Variants in CLVS1 observed in about 807,000 individuals in gnomAD.
CLVS1 encodes the protein clavesin 1.
CLVS1 carries 10 observed loss-of-function variants against 33.1 expected under a neutral mutation model. That is an observed-to-expected ratio of 0.30 (90% CI 0.19 to 0.51). The LOEUF (loss-of-function observed/expected upper bound fraction) is 0.51. Ranked by LOEUF, CLVS1 falls within the 20% of genes least tolerant of loss-of-function variation. The pLI is 0.97. For missense variants in CLVS1, 343 were observed against 433.4 expected (o/e 0.79, Z 1.85); for synonymous variants, 163 against 166.1 (o/e 0.98, Z 0.14).
intron 1 of CLVS1, among the ~76,000 whole-genome samples, chr8:61,119,194 C>A (rs1238643377): frequency 1.3e-5 from 2 of 152,104 alleles, no homozygotes; most frequent in African/African-American, 2.4e-5. Flanking sequence ...AGGATGGCAA[C>A]CCCTGCCTTT....
chr8:61,085,234 T>C (rs555779362), intron 1 of CLVS1, among the ~76,000 whole-genome samples: 1 of 152,320 alleles, frequency 6.6e-6, no homozygotes, highest in East Asian at 1.9e-4. Flanking sequence ...TGAAAATCCA[T>C]AGCCTTGTAA....
chr8:61,021,840 G>C, the CLVS1 span, among the ~76,000 whole-genome samples: 1 of 152,106 alleles, frequency 6.6e-6, no homozygotes, highest in Non-Finnish European at 1.5e-5. Flanking sequence ...AGTGAGTATA[G>C]TATCCAATAG....
intron 1 of CLVS1, among the ~76,000 whole-genome samples, chr8:61,129,721 C>T (rs956070530): frequency 4.6e-5 from 7 of 152,118 alleles, no homozygotes; most frequent in Admixed American, 3.3e-4. Context: ...GGGCACTAAT[C>T]CCATCAGTGA....
chr8:61,147,889 C>A (rs1219514185), intron 2 of CLVS1, among the ~76,000 whole-genome samples: 1 of 152,086 alleles, frequency 6.6e-6, no homozygotes, highest in Non-Finnish European at 1.5e-5. Context: ...TGTCAGGAAC[C>A]CCTGAGGGGT....
At chr8:61,189,137 C>G (rs928050053) in intron 2 of CLVS1, among the ~76,000 whole-genome samples, 1 of 152,130 alleles carries the variant, frequency 6.6e-6, no homozygotes, top group Non-Finnish European at 1.5e-5. Flanking sequence ...GGTTGGGTTA[C>G]CCACAAAGGG....
intron 2 of CLVS1, among the ~76,000 whole-genome samples, chr8:61,364,559 CTGTT>C (rs985545696): frequency 2.0e-5 from 3 of 152,166 alleles, no homozygotes; most frequent in African/African-American, 4.8e-5. Context: ...TTGCCTGCCT[CTGTT>C]TAAGTTTCTT....
At chr8:61,218,087 T>C (rs1808131090) in intron 2 of CLVS1, among the ~76,000 whole-genome samples, 2 of 150,752 alleles carry the variant, frequency 1.3e-5, no homozygotes, top group African/African-American at 2.4e-5. Flanking sequence ...TGGAGAACAG[T>C]ATAGAGGTTT....
chr8:61,158,153 T>C (rs1489820996), intron 2 of CLVS1, among the ~76,000 whole-genome samples: 2 of 152,198 alleles, frequency 1.3e-5, no homozygotes, highest in Non-Finnish European at 2.9e-5. Context: ...ACTATTGATG[T>C]AGGCAACAAT....
intron 2 of CLVS1, among the ~76,000 whole-genome samples, chr8:61,262,848 C>T (rs1205775059): frequency 1.3e-5 from 2 of 152,150 alleles, no homozygotes; most frequent in Non-Finnish European, 2.9e-5. Flanking sequence ...TTCAGAGCTA[C>T]AGCAGCAAAC....
At chr8:61,326,410 T>G (rs186288250) in intron 2 of CLVS1, among the ~76,000 whole-genome samples, 14 of 152,312 alleles carry the variant, frequency 9.2e-5, no homozygotes, top group Admixed American at 9.2e-4. Context: ...GAGCTTCAGG[T>G]AGTCTTTGAT....
intron 1 of CLVS1, among the ~76,000 whole-genome samples, chr8:61,083,713 T>C (rs1805068066): frequency 6.6e-6 from 1 of 151,862 alleles, no homozygotes; most frequent in Admixed American, 6.6e-5. Context: ...AAACAGAGTA[T>C]ATAGATCTAT....
At chr8:61,338,391 GA>G (rs1295135963) in intron 2 of CLVS1, among the ~76,000 whole-genome samples, 1 of 152,204 alleles carries the variant, frequency 6.6e-6, no homozygotes, top group Non-Finnish European at 1.5e-5. Flanking sequence ...ACAGTTACCT[GA>G]AAACCTCCTT....
At chr8:61,085,464 A>G (rs1290172149) in intron 1 of CLVS1, among the ~76,000 whole-genome samples, 1 of 152,288 alleles carries the variant, frequency 6.6e-6, no homozygotes, top group East Asian at 1.9e-4. Flanking sequence ...TAAACAAACA[A>G]ATCAATAACA....
At chr8:61,046,889 G>C in the CLVS1 span, among the ~76,000 whole-genome samples, 527 of 152,190 alleles carry the variant, frequency 3.5e-3, 9 homozygotes, top group Admixed American at 0.019. Context: ...GAGATTTTGG[G>C]CTGAGACAAT....
At chr8:61,341,393 C>T (rs1177182981) in intron 2 of CLVS1, among the ~76,000 whole-genome samples, 2 of 152,232 alleles carry the variant, frequency 1.3e-5, no homozygotes, top group African/African-American at 4.8e-5. Flanking sequence ...CTCTGCGGTC[C>T]ATTTTCCACA....
In CLVS1 at chr8:61,264,329, G is replaced by A. The variant is rs182792375; in HGVS notation, c.-151-35348G>A. 5.3e-5 allele frequency among the ~76,000 whole-genome samples: 8 copies of A among 152,176 alleles called. No individual in the cohort carries two copies. In the East Asian group the frequency reaches 1.2e-3, roughly 22 times the overall value. ...ATGAAATGGGGTCTGCTCACCTGGT[G>A]CAGTAATACCAGATATGCACACCGA... On this transcript the variant is annotated intron_variant, in intron 2 of 2. Transcript: ENST00000522621.
Position 61,448,120 on chromosome 8 carries a change from C to A in CLVS1, c.631-6021C>A, listed in dbSNP as rs941242724. Among the ~76,000 whole-genome samples, 10 of 151,778 alleles carry A rather than the reference C, an allele frequency of 6.6e-5. No individual in the cohort carries two copies. In the South Asian group the frequency reaches 8.3e-4, roughly 13 times the overall value. On this transcript the variant is annotated intron_variant, in intron 3 of 5. Coordinates refer to ENST00000325897, the MANE Select transcript of CLVS1 (RefSeq NM_173519.3). Reference sequence around the variant, plus strand: ...TCTAATGAGAAATCTGTTGTTATTTCATTTGTTTTCCTCAAGAGTCAATAT... The same window carrying A: ...TCTAATGAGAAATCTGTTGTTATTTAATTTGTTTTCCTCAAGAGTCAATAT...
intron 2 of CLVS1, among the ~76,000 whole-genome samples, chr8:61,265,852 A>C (rs924619598): frequency 2.6e-5 from 4 of 152,164 alleles, no homozygotes; most frequent in Non-Finnish European, 4.4e-5. Context: ...ATGAGCTAGC[A>C]TGCCATGATT....
chr8:61,435,118 ATCAGAGC>A (rs1816276577), intron 3 of CLVS1, among the ~76,000 whole-genome samples: 1 of 152,214 alleles, frequency 6.6e-6, no homozygotes, highest in Non-Finnish European at 1.5e-5. Context: ...AAGATAAAAA[ATCAGAGC>A]TCACTCCTTA....
Sources: gnomAD v4.1 joint callset for allele counts (sites outside exome capture counted in the v4.1 genomes callset) on GRCh38, gnomAD v4.1.1 for gene constraint, MANE v1.5 for transcripts, NCBI Gene and HGNC (gene_info 2026-07-23, HGNC 2026-07-21) for gene names.